Variants in AK5 observed in about 807,000 individuals in gnomAD.
The protein encoded by AK5 is adenylate kinase isoenzyme 5.
In AK5, 27 loss-of-function variants were observed where a neutral mutation model predicts 69.5. The ratio of observed to expected loss-of-function variants is 0.39; its 90% CI spans 0.29 to 0.54. The LOEUF is 0.54. Among genes scored for constraint, AK5 ranks in the 20% least tolerant of loss-of-function variants. The pLI is 0.71. For missense variants in AK5, 531 were observed against 700.4 expected (o/e 0.76, Z 2.73); for synonymous variants, 260 against 244.4 (o/e 1.06, Z -0.60).
At chr1:77,425,893 T>G (rs1651177211) in intron 8 of AK5, among the ~76,000 whole-genome samples, 1 of 152,134 alleles carries the variant, frequency 6.6e-6, no homozygotes, top group South Asian at 2.1e-4. Context: ...AGCAGTAGAG[T>G]GTTATTTGAA....
chr1:77,314,133 T>C (rs556396612), intron 5 of AK5: 37 of 324,558 alleles, frequency 1.1e-4, no homozygotes, highest in South Asian at 9.5e-4. Flanking sequence ...AACAATCTTA[T>C]GATATGAATT....
rs551189605 is a variant in AK5, at chr1:77,444,392, T to C, written c.1059+26677T>C. On this transcript the variant is annotated intron_variant, in intron 8 of 13. Transcript: ENST00000354567. Reference sequence around the variant, plus strand: ...AAATATATACTATATATAGTATATATAGTATAAATATATACTATATATAGT... The same window carrying C: ...AAATATATACTATATATAGTATATACAGTATAAATATATACTATATATAGT... Among the ~76,000 whole-genome samples the C allele has an allele frequency of 1.4e-3, 104 of 72,498 alleles. 3 individuals carry two copies. The highest frequency in any genetic ancestry group is 5.3e-3 in the African/African-American group (93 of 17,540). 47.6% of individuals were successfully genotyped at this position (72,498 alleles called of 152,430 possible). A position where few individuals can be genotyped will look rare whatever the true frequency, so the allele number is the denominator to read the frequency against.
intron 6 of AK5, among the ~76,000 whole-genome samples, chr1:77,391,926 T>G (rs555990857): frequency 3.0e-4 from 45 of 152,148 alleles, no homozygotes; most frequent in Non-Finnish European, 4.9e-4. Flanking sequence ...CTTCATAGAG[T>G]GGCTTTGTTT....
intron 5 of AK5, among the ~76,000 whole-genome samples, chr1:77,337,783 T>C (rs1198069520): frequency 6.6e-6 from 1 of 151,830 alleles, no homozygotes; most frequent in Non-Finnish European, 1.5e-5. Flanking sequence ...AAAACTGAGG[T>C]TCAAAGGGAT....
At chr1:77,368,583 T>C (rs1454549388) in intron 6 of AK5, among the ~76,000 whole-genome samples, 1 of 151,762 alleles carries the variant, frequency 6.6e-6, no homozygotes, top group Non-Finnish European at 1.5e-5. Context: ...TTCTTACACT[T>C]ACTCACACAT....
chr1:77,336,159 G>A lies in AK5; in HGVS notation c.700-4218G>A, dbSNP rs368572362. On this transcript the variant is annotated intron_variant, in intron 5 of 13. Transcript: ENST00000354567. ...TGCAGTGGCGCGATCTCATCTCACT[G>A]CAACCTCCGCCTCCCGGGTTCAAGT... Among the ~76,000 whole-genome samples, 35 of 144,738 alleles carry A rather than the reference G, an allele frequency of 2.4e-4. 2 individuals are homozygous for A. Among genetic ancestry groups the A allele is most frequent in the African/African-American group, 8.9e-4 (35 of 39,110 alleles). 95.0% of individuals were successfully genotyped at this position (144,738 alleles called of 152,430 possible).
chr1:77,335,593 G>A (rs896520974), intron 5 of AK5, among the ~76,000 whole-genome samples: 1 of 152,020 alleles, frequency 6.6e-6, no homozygotes, highest in Non-Finnish European at 1.5e-5. Context: ...AAAGTTTTGG[G>A]AAAACATAAA....
rs1264220234 is a variant in AK5 at position 77,367,669 on chromosome 1, A to G, written c.891+27101A>G. ...GTTATATATGTTATATATATGTTATATATAATATATATGTTATATATACGT... is the reference window on the plus strand; with the variant it reads ...GTTATATATGTTATATATATGTTATGTATAATATATATGTTATATATACGT... On this transcript the variant is annotated intron_variant, in intron 6 of 13. Coordinates refer to ENST00000354567, the MANE Select transcript of AK5 (RefSeq NM_174858.3). Among the ~76,000 whole-genome samples, 9 of 71,638 alleles carry G rather than the reference A, an allele frequency of 1.3e-4. No homozygotes were observed. In the South Asian group the frequency reaches 2.1e-3, roughly 17 times the overall value. 47.0% of individuals were successfully genotyped at this position (71,638 alleles called of 152,430 possible). A position where few individuals can be genotyped will look rare whatever the true frequency, so the allele number is the denominator to read the frequency against.
Position 77,297,783 on chromosome 1 carries a change from A to T in AK5, c.586-51A>T, listed in dbSNP as rs774780497. On this transcript the variant is annotated intron_variant, in intron 4 of 13. Coordinates refer to ENST00000354567, the MANE Select transcript of AK5 (RefSeq NM_174858.3). ...CAAAATGTTTTCATACCGATTGAGTATACTAAGTTTAACTGTGGGGTTTTT... is the reference window on the plus strand; with the variant it reads ...CAAAATGTTTTCATACCGATTGAGTTTACTAAGTTTAACTGTGGGGTTTTT... 21 of 1,607,034 alleles carry T rather than the reference A, an allele frequency of 1.3e-5. No individual in the cohort carries two copies. In the South Asian group the frequency reaches 2.3e-4, roughly 18 times the overall value.
chr1:77,391,393 A>AG (rs1283266818), intron 6 of AK5, among the ~76,000 whole-genome samples: 1 of 130,586 alleles, frequency 7.7e-6, no homozygotes, highest in Non-Finnish European at 1.6e-5. Flanking sequence ...AAAAAAAAAT[A>AG]TATATATATA....
At chr1:77,378,158 C>T (rs147056362) in intron 6 of AK5, among the ~76,000 whole-genome samples, 6 of 152,234 alleles carry the variant, frequency 3.9e-5, no homozygotes, top group East Asian at 1.9e-4. Flanking sequence ...TGAGACACAG[C>T]GCTTTAAAAA....
chr1:77,321,909 C>G (rs2100326776), intron 5 of AK5, among the ~76,000 whole-genome samples: 1 of 152,020 alleles, frequency 6.6e-6, no homozygotes, highest in Non-Finnish European at 1.5e-5. Flanking sequence ...AAATGTGTAC[C>G]AAAACTATTA....
chr1:77,455,321 G>A (rs1446513537), intron 8 of AK5, among the ~76,000 whole-genome samples: 2 of 152,134 alleles, frequency 1.3e-5, no homozygotes, highest in African/African-American at 2.4e-5. Flanking sequence ...AGGTCGTGAG[G>A]GCAGAGCCAT....
At chr1:77,479,395 G>A (rs1449494718) in intron 8 of AK5, among the ~76,000 whole-genome samples, 1 of 151,824 alleles carries the variant, frequency 6.6e-6, no homozygotes, top group Non-Finnish European at 1.5e-5. Context: ...TAGTAGAGAC[G>A]GAGTTTCTCC....
At chr1:77,517,137 T>G (rs1657699523) in intron 10 of AK5, among the ~76,000 whole-genome samples, 1 of 151,410 alleles carries the variant, frequency 6.6e-6, no homozygotes, top group Non-Finnish European at 1.5e-5. Flanking sequence ...CGGACTAGAT[T>G]CTGGAGAGTT....
chr1:77,497,883 G>A (rs1394593164), intron 10 of AK5, among the ~76,000 whole-genome samples: 1 of 152,140 alleles, frequency 6.6e-6, no homozygotes, highest in African/African-American at 2.4e-5. Flanking sequence ...CACCTGGCCA[G>A]TTTTAAACAT....
intron 6 of AK5, among the ~76,000 whole-genome samples, chr1:77,392,530 A>G (rs1470121474): frequency 6.6e-6 from 1 of 152,212 alleles, no homozygotes; most frequent in Admixed American, 6.5e-5. Context: ...ATTAAAAATT[A>G]TGTATCTGGA....
intron 10 of AK5, among the ~76,000 whole-genome samples, chr1:77,491,278 C>G (rs911447571): frequency 2.1e-5 from 3 of 144,994 alleles, no homozygotes; most frequent in African/African-American, 2.6e-5. Context: ...TCATTATTGC[C>G]TTATTATTAA....
At chr1:77,523,807 G>A (rs1171043056) in intron 12 of AK5, among the ~76,000 whole-genome samples, 3 of 152,104 alleles carry the variant, frequency 2.0e-5, no homozygotes, top group Non-Finnish European at 4.4e-5. Flanking sequence ...GAGCAACTGG[G>A]ACTGCACCAC....
Sources: allele counts gnomAD v4.1 joint callset (sites outside exome capture counted in the v4.1 genomes callset), GRCh38; gene constraint gnomAD v4.1.1; transcripts MANE v1.5; gene names NCBI Gene and HGNC (gene_info 2026-07-23, HGNC 2026-07-21).